Variants in RABGEF1 observed in about 807,000 individuals in gnomAD.
RABGEF1 encodes the protein rab5 GDP/GTP exchange factor.
A neutral mutation model predicts 57.3 loss-of-function variants in RABGEF1; 26 were observed. The observed-to-expected ratio is 0.45, with a 90% CI of 0.33 to 0.63. The LOEUF (loss-of-function observed/expected upper bound fraction) is 0.63, where lower values mean the gene tolerates loss of function less well. RABGEF1 is among the 20% of genes least tolerant of loss of function. RABGEF1 has a pLI of 0.02. For missense variants in RABGEF1, 464 were observed against 607.6 expected, an observed-to-expected ratio of 0.76 and a Z score of 2.48; for synonymous variants, 185 against 210.7, an observed-to-expected ratio of 0.88 and a Z score of 1.06.
At chr7:66,664,687 C>T in the RABGEF1 span, among the ~76,000 whole-genome samples, 3 of 152,172 alleles carry the variant, frequency 2.0e-5, no homozygotes, top group Non-Finnish European at 2.9e-5. Context: ...GCTTTGGGCC[C>T]ATCTGGCTCC....
At chr7:66,790,074 G>A (rs1007416095) in intron 4 of RABGEF1, among the ~76,000 whole-genome samples, 15 of 152,238 alleles carry the variant, frequency 9.9e-5, no homozygotes, top group African/African-American at 3.6e-4. Context: ...AGGACTTGCA[G>A]CAGATCAGCC....
intron 2 of RABGEF1, among the ~76,000 whole-genome samples, chr7:66,720,191 A>AT (rs1491058503): frequency 3.8e-5 from 3 of 79,836 alleles, no homozygotes; most frequent in African/African-American, 8.3e-5. Flanking sequence ...TATTATTATT[A>AT]TTATTTTTTT....
the RABGEF1 span, among the ~76,000 whole-genome samples, chr7:66,674,147 C>G: frequency 6.6e-6 from 1 of 151,880 alleles, no homozygotes; most frequent in Non-Finnish European, 1.5e-5. Context: ...CTATTCTACG[C>G]CTAGTACTTA....
At chr7:66,687,854 G>A (rs921261356) in intron 1 of RABGEF1, among the ~76,000 whole-genome samples, 5 of 152,180 alleles carry the variant, frequency 3.3e-5, no homozygotes, top group Non-Finnish European at 5.9e-5. Context: ...GGGAGGCTGA[G>A]GCGGGCAGAT....
At chr7:66,767,949 G>A (rs1806159077) in intron 1 of RABGEF1, among the ~76,000 whole-genome samples, 1 of 152,172 alleles carries the variant, frequency 6.6e-6, no homozygotes, top group Non-Finnish European at 1.5e-5. Context: ...ACTGATACCT[G>A]TTGTTGTTGT....
intron 1 of RABGEF1, among the ~76,000 whole-genome samples, chr7:66,763,010 A>C (rs1583855950): frequency 6.6e-6 from 1 of 152,044 alleles, no homozygotes; most frequent in African/African-American, 2.4e-5. Flanking sequence ...TTTTATTTTT[A>C]TTTTTTTAAG....
At chr7:66,724,487 GT>G (rs1796387685) in intron 2 of RABGEF1, among the ~76,000 whole-genome samples, 1 of 152,088 alleles carries the variant, frequency 6.6e-6, no homozygotes. Context: ...AGCCTCCCGA[GT>G]AGCTGAGATT....
chr7:66,803,846 G>T lies in RABGEF1; in HGVS notation c.821-1294G>T, dbSNP rs1264447511. ...GGAGGTTGCAGTGAGCCGAGATCGTGCCACTGTACTCTAGCCGGGGCAACA... is the reference window on the plus strand; with the variant it reads ...GGAGGTTGCAGTGAGCCGAGATCGTTCCACTGTACTCTAGCCGGGGCAACA... On this transcript the variant is annotated intron_variant, in intron 7 of 8. Transcript: ENST00000284957. Among the ~76,000 whole-genome samples, 15 of 150,896 alleles carry T rather than the reference G, an allele frequency of 9.9e-5. No individual in the cohort carries two copies. In the East Asian group the frequency reaches 1.4e-3, roughly 14 times the overall value.
intron 2 of RABGEF1, among the ~76,000 whole-genome samples, chr7:66,726,604 T>C (rs1165667474): frequency 6.6e-6 from 1 of 152,008 alleles, no homozygotes; most frequent in Admixed American, 6.6e-5. Context: ...TGGGCTCAAG[T>C]AATCCCCCGA....
chr7:66,743,882 C>A (rs576572177), intron 1 of RABGEF1, among the ~76,000 whole-genome samples: 1 of 152,060 alleles, frequency 6.6e-6, no homozygotes, highest in Non-Finnish European at 1.5e-5. Context: ...TCTCTAGCCT[C>A]GGCCTCCCAA....
At chr7:66,707,197 T>G (rs1209177694) in intron 1 of RABGEF1, among the ~76,000 whole-genome samples, 1 of 152,274 alleles carries the variant, frequency 6.6e-6, no homozygotes, top group Non-Finnish European at 1.5e-5. Flanking sequence ...AAACGTATTT[T>G]GAATTACTTC....
intron 4 of RABGEF1, among the ~76,000 whole-genome samples, chr7:66,791,799 A>G (rs1428128876): frequency 1.3e-5 from 2 of 152,244 alleles, no homozygotes; most frequent in Non-Finnish European, 2.9e-5. Flanking sequence ...AGAAAAATAA[A>G]ACGACAACTT....
intron 4 of RABGEF1, among the ~76,000 whole-genome samples, chr7:66,791,979 G>A (rs1051232732): frequency 4.6e-5 from 7 of 152,046 alleles, no homozygotes; most frequent in African/African-American, 1.7e-4. Context: ...GGGCGTGGTG[G>A]CACATGCCTG....
chr7:66,748,993 G>T, intron 1 of RABGEF1: 1 of 186,978 alleles, frequency 5.3e-6, no homozygotes, highest in Non-Finnish European at 1.2e-5. Context: ...TGAGGCTCTT[G>T]GTAGGTGATA....
chr7:66,659,808 T>C, the RABGEF1 span, among the ~76,000 whole-genome samples: 181 of 148,902 alleles, frequency 1.2e-3, 2 homozygotes, highest in East Asian at 0.032. Flanking sequence ...AAATAAAAAA[T>C]AAAAGAAAGA....
intron 1 of RABGEF1, among the ~76,000 whole-genome samples, chr7:66,757,725 C>T (rs1803117307): frequency 6.6e-6 from 1 of 152,220 alleles, no homozygotes; most frequent in African/African-American, 2.4e-5. Flanking sequence ...CATTCTCCTG[C>T]CTCAGCCTCC....
At chr7:66,783,601 G>T in intron 3 of RABGEF1, 74 bp from the exon 4 acceptor site, 1 of 1,286,742 alleles carries the variant, frequency 7.8e-7, no homozygotes, top group Non-Finnish European at 1.0e-6. Flanking sequence ...ATAACCTTAG[G>T]TAAGATACTT....
intron 1 of RABGEF1, chr7:66,768,684 T>C (rs1037965045): frequency 6.6e-6 from 1 of 152,198 alleles, no homozygotes; most frequent in African/African-American, 2.4e-5. Context: ...TTAGTTCCAA[T>C]TTGGAAGCCT....
chr7:66,774,018 T>C, intron 2 of RABGEF1: 3 of 305,784 alleles, frequency 9.8e-6, no homozygotes, highest in South Asian at 7.7e-5. Context: ...CAAAGCCAAA[T>C]TTATTGCTTT....
Sources: gnomAD v4.1 joint callset for allele counts (sites outside exome capture counted in the v4.1 genomes callset) on GRCh38, gnomAD v4.1.1 for gene constraint, MANE v1.5 for transcripts, NCBI Gene and HGNC (gene_info 2026-07-23, HGNC 2026-07-21) for gene names.